The following CFDP1 variants were observed in gnomAD, a reference collection of about 807,000 sequenced individuals.
The protein encoded by CFDP1 is heterochromatin-stabilizing protein CFDP1.
A neutral mutation model predicts 40.1 loss-of-function variants in CFDP1; 31 were observed. The observed-to-expected ratio is 0.77, with a 90% CI of 0.58 to 1.04. The LOEUF is 1.04. Among genes scored for constraint, CFDP1 ranks in the 50% least tolerant of loss-of-function variants. CFDP1 has a pLI of 0.00. For synonymous variants in CFDP1, 167 were observed against 120.0 expected (o/e 1.39, Z -2.56); for missense variants, 423 against 343.4 (o/e 1.23, Z -1.83).
At chr16:75,416,503 A>G (rs1053556119) in intron 1 of CFDP1, among the ~76,000 whole-genome samples, 2 of 151,364 alleles carry the variant, frequency 1.3e-5, no homozygotes, top group African/African-American at 4.8e-5. Flanking sequence ...GCTCACGCCT[A>G]TAATCTCAGC....
At chr16:75,347,405 C>T (rs544563505) in intron 5 of CFDP1, among the ~76,000 whole-genome samples, 6 of 138,158 alleles carry the variant, frequency 4.3e-5, no homozygotes, top group African/African-American at 1.3e-4. Flanking sequence ...AAAAAGCAGG[C>T]GCAGTGGCTC....
intron 5 of CFDP1, among the ~76,000 whole-genome samples, chr16:75,311,166 C>T (rs776404336): frequency 6.6e-6 from 1 of 152,112 alleles, no homozygotes; most frequent in African/African-American, 2.4e-5. Context: ...GTTAAGAAAC[C>T]TGCCCAAGTT....
intron 5 of CFDP1, among the ~76,000 whole-genome samples, chr16:75,341,510 G>C (rs2078526659): frequency 6.6e-6 from 1 of 152,170 alleles, no homozygotes; most frequent in Non-Finnish European, 1.5e-5. Flanking sequence ...CAAAATAAGA[G>C]ATTGGCTAGA....
intron 5 of CFDP1, among the ~76,000 whole-genome samples, chr16:75,357,400 G>A (rs949751444): frequency 1.3e-5 from 2 of 152,028 alleles, no homozygotes; most frequent in African/African-American, 4.8e-5. Context: ...GACTACAGGT[G>A]TGCACCACCA....
At chr16:75,433,224 G>A (rs111639817) in intron 1 of CFDP1, 65 bp downstream of exon 1, 15 of 1,473,708 alleles carry the variant, frequency 1.0e-5, no homozygotes, top group South Asian at 3.6e-5. Context: ...CGCGGGGGCA[G>A]AGCGCGCCTC....
chr16:75,303,389 A>ATAAG (rs1567639290), intron 6 of CFDP1, among the ~76,000 whole-genome samples: 2 of 131,658 alleles, frequency 1.5e-5, no homozygotes, highest in African/African-American at 5.2e-5. Flanking sequence ...AAATAAATAA[A>ATAAG]TAAATAAATA....
intron 5 of CFDP1, among the ~76,000 whole-genome samples, chr16:75,312,664 C>T (rs898627286): frequency 6.6e-6 from 1 of 152,142 alleles, no homozygotes; most frequent in African/African-American, 2.4e-5. Context: ...TTACAGAAAG[C>T]CCTTGCCAAC....
At position 75,305,201 on chromosome 16, in the gene CFDP1, AAAG is replaced by A; in HGVS notation, c.651-22_651-20del. ...TTTTAACCTAAGGAAAGAAAATATG[AAAG>A]ATGTAGCAGGTAAAAACTCTGATCT... On this transcript the variant is annotated intron_variant, in intron 5 of 6. Coordinates refer to ENST00000283882, the MANE Select transcript of CFDP1 (RefSeq NM_006324.3). 6.2e-7 allele frequency: 1 copy of A among 1,612,170 alleles called. No homozygotes were observed. The highest frequency in any genetic ancestry group is 8.5e-7 in the Non-Finnish European group (1 of 1,179,094).
intron 1 of CFDP1, among the ~76,000 whole-genome samples, chr16:75,428,936 G>A (rs2079375661): frequency 6.6e-6 from 1 of 151,722 alleles, no homozygotes; most frequent in Admixed American, 6.6e-5. Flanking sequence ...CCAACATGGT[G>A]AAATCCCGTC....
In CFDP1 at chr16:75,353,054, CCTCAGTTTCTTCAG is replaced by C. The variant is rs560621603; in HGVS notation, c.650+42022_650+42035del. Among the ~76,000 whole-genome samples the C allele has an allele frequency of 3.3e-3, 501 of 152,234 alleles. 1 individual carries two copies. Among genetic ancestry groups the C allele is most frequent in the African/African-American group, 0.01 (423 of 41,524 alleles). On this transcript the variant is annotated intron_variant, in intron 5 of 6. Transcript: ENST00000283882. ...AAACCCATGAGTATGTGGGCAACAT[CCTCAGTTTCTTCAG>C]CTCAGTTTCTTCAACAAATACATTC...
At chr16:75,300,363 T>C (rs1386128209) in intron 6 of CFDP1, among the ~76,000 whole-genome samples, 6 of 152,082 alleles carry the variant, frequency 3.9e-5, no homozygotes, top group African/African-American at 1.4e-4. Context: ...TCTTGGCTCA[T>C]TGCAACCTCC....
intron 5 of CFDP1, among the ~76,000 whole-genome samples, chr16:75,321,508 A>G (rs1274000873): frequency 6.6e-6 from 1 of 152,216 alleles, no homozygotes; most frequent in East Asian, 1.9e-4. Flanking sequence ...TCTCTCAGGT[A>G]ATACTTTAAA....
intron 5 of CFDP1, among the ~76,000 whole-genome samples, chr16:75,322,975 T>A (rs1192033338): frequency 6.6e-6 from 1 of 152,198 alleles, no homozygotes; most frequent in Non-Finnish European, 1.5e-5. Context: ...TGCACACTAC[T>A]GTGGATTTTA....
At chr16:75,373,945 G>A (rs2078772576) in intron 5 of CFDP1, among the ~76,000 whole-genome samples, 1 of 152,108 alleles carries the variant, frequency 6.6e-6, no homozygotes, top group Non-Finnish European at 1.5e-5. Context: ...TCTGTATAGG[G>A]AGTTAGTTTT....
chr16:75,352,436 GAGA>G (rs1000427630), intron 5 of CFDP1, among the ~76,000 whole-genome samples: 6 of 151,940 alleles, frequency 3.9e-5, no homozygotes, highest in African/African-American at 1.2e-4. Flanking sequence ...GAACCAAACA[GAGA>G]AGGAGATGAG....
chr16:75,404,516 C>T (rs958202887), intron 4 of CFDP1, among the ~76,000 whole-genome samples: 3 of 152,082 alleles, frequency 2.0e-5, no homozygotes, highest in Non-Finnish European at 2.9e-5. Flanking sequence ...CCACCGCGCC[C>T]GGCCGCAAAG....
At chr16:75,424,656 A>G (rs1047408635) in intron 1 of CFDP1, among the ~76,000 whole-genome samples, 13 of 151,682 alleles carry the variant, frequency 8.6e-5, no homozygotes, top group Non-Finnish European at 1.0e-4. Context: ...CGGGAGGCTG[A>G]GGCAGAAGAA....
At chr16:75,372,235 T>C (rs1293411237) in intron 5 of CFDP1, 1 of 152,186 alleles carries the variant, frequency 6.6e-6, no homozygotes, top group Non-Finnish European at 1.5e-5. Context: ...TCTGAAGAGT[T>C]TGACAGAGAA....
At chr16:75,398,195 T>A (rs1011739326) in intron 4 of CFDP1, among the ~76,000 whole-genome samples, 4 of 152,246 alleles carry the variant, frequency 2.6e-5, no homozygotes, top group Non-Finnish European at 5.9e-5. Context: ...TACACAGCAC[T>A]ACTGTAGCAA....
Sources: allele counts gnomAD v4.1 joint callset (sites outside exome capture counted in the v4.1 genomes callset), GRCh38; gene constraint gnomAD v4.1.1; transcripts MANE v1.5; gene names NCBI Gene and HGNC (gene_info 2026-07-23, HGNC 2026-07-21).